The following ATRNL1 variants were observed in gnomAD, a reference collection of about 807,000 sequenced individuals.
ATRNL1 encodes the protein attractin like 1.
A neutral mutation model predicts 182.7 loss-of-function variants in ATRNL1; 95 were observed. That is an observed-to-expected ratio of 0.52 (90% CI 0.44 to 0.62). ATRNL1 has a LOEUF of 0.62. Among genes scored for constraint, ATRNL1 ranks in the 20% least tolerant of loss-of-function variants. ATRNL1 has a pLI of 0.00. For synonymous variants in ATRNL1, 576 were observed against 568.3 expected, an observed-to-expected ratio of 1.01 and a Z score of -0.19; for missense variants, 1,471 against 1,679.5, an observed-to-expected ratio of 0.88 and a Z score of 2.17.
intron 26 of ATRNL1, among the ~76,000 whole-genome samples, chr10:115,673,185 T>G (rs2133932818): frequency 6.6e-6 from 1 of 152,240 alleles, no homozygotes; most frequent in Non-Finnish European, 1.5e-5. Flanking sequence ...GAGGTCAGAA[T>G]TTAGGATTCT....
At chr10:115,179,539 T>C (rs1450227817) in intron 8 of ATRNL1, among the ~76,000 whole-genome samples, 1 of 152,174 alleles carries the variant, frequency 6.6e-6, no homozygotes, top group East Asian at 1.9e-4. Flanking sequence ...ATAAATAGCC[T>C]TTATTAGATA....
chr10:115,232,583 T>C (rs1309088533), intron 9 of ATRNL1, among the ~76,000 whole-genome samples: 5 of 152,196 alleles, frequency 3.3e-5, no homozygotes, highest in African/African-American at 1.2e-4. Context: ...CAGTATTTTA[T>C]GGATTTTGCT....
intron 26 of ATRNL1, among the ~76,000 whole-genome samples, chr10:115,552,739 A>G (rs1853070439): frequency 6.6e-6 from 1 of 151,280 alleles, no homozygotes; most frequent in Non-Finnish European, 1.5e-5. Flanking sequence ...ACATTAAAAA[A>G]ATGAAACTAC....
intron 17 of ATRNL1, among the ~76,000 whole-genome samples, chr10:115,305,018 A>G (rs1853657317): frequency 6.6e-6 from 1 of 151,712 alleles, no homozygotes; most frequent in Non-Finnish European, 1.5e-5. Flanking sequence ...CTTCTATCAC[A>G]GTAACTTCAT....
intron 8 of ATRNL1, among the ~76,000 whole-genome samples, chr10:115,201,183 C>G (rs1421909418): frequency 1.3e-5 from 2 of 151,332 alleles, no homozygotes; most frequent in African/African-American, 4.9e-5. Flanking sequence ...TATAGGTTGC[C>G]TGTTCACTCT....
intron 18 of ATRNL1, among the ~76,000 whole-genome samples, chr10:115,333,589 A>C (rs2134071520): frequency 6.6e-6 from 1 of 151,804 alleles, no homozygotes; most frequent in East Asian, 1.9e-4. Flanking sequence ...GTTCAAGCGA[A>C]TTCTCCTGCC....
At chr10:115,420,424 G>C (rs1845598761) in intron 20 of ATRNL1, among the ~76,000 whole-genome samples, 1 of 151,768 alleles carries the variant, frequency 6.6e-6, no homozygotes, top group South Asian at 2.1e-4. Context: ...AATAACAGGA[G>C]GAACTTTGGA....
chr10:115,449,698 C>T (rs557101166), intron 21 of ATRNL1, among the ~76,000 whole-genome samples: 4 of 152,290 alleles, frequency 2.6e-5, no homozygotes, highest in African/African-American at 9.6e-5. Context: ...CACTTGCATG[C>T]TCCTCCTCCC....
At chr10:115,246,851 C>T (rs1383458495) in intron 10 of ATRNL1, among the ~76,000 whole-genome samples, 1 of 65,014 alleles carries the variant, frequency 1.5e-5, no homozygotes, top group Admixed American at 1.1e-4. Context: ...TGAGCCACCG[C>T]GCCCGGCCAT....
At chr10:115,496,202 A>G (rs1554978209) in intron 24 of ATRNL1, among the ~76,000 whole-genome samples, 1 of 152,062 alleles carries the variant, frequency 6.6e-6, no homozygotes, top group Non-Finnish European at 1.5e-5. Flanking sequence ...CTTTGAGCCT[A>G]TGGGTGTCAT....
chr10:115,634,294 C>T (rs1356418224), intron 26 of ATRNL1, among the ~76,000 whole-genome samples: 1 of 152,000 alleles, frequency 6.6e-6, no homozygotes, highest in African/African-American at 2.4e-5. Context: ...CATGCTATAC[C>T]GTGGCATTTC....
At chr10:115,281,302 A>G in intron 13 of ATRNL1, 53 bp from the exon 14 acceptor site, 2 of 1,512,138 alleles carry the variant, frequency 1.3e-6, no homozygotes, top group Non-Finnish European at 1.8e-6. Flanking sequence ...ACTGAAGTTT[A>G]AGAATCATTG....
chr10:115,534,550 C>A (rs1349466626), intron 25 of ATRNL1, among the ~76,000 whole-genome samples: 2 of 152,272 alleles, frequency 1.3e-5, no homozygotes, highest in African/African-American at 4.8e-5. Context: ...TGGGTCTTGA[C>A]TCTTTATCCA....
chr10:115,511,618 A>T (rs1039576334), intron 24 of ATRNL1, among the ~76,000 whole-genome samples: 6 of 151,894 alleles, frequency 4.0e-5, no homozygotes, highest in Non-Finnish European at 7.4e-5. Context: ...ATTTTCTCCC[A>T]CAAATTTTGA....
At chr10:115,344,469 G>T (rs558202880) in intron 19 of ATRNL1, among the ~76,000 whole-genome samples, 2 of 152,120 alleles carry the variant, frequency 1.3e-5, no homozygotes, top group African/African-American at 4.8e-5. Flanking sequence ...TAAGGCCTAA[G>T]GGCTCTTAAG....
At chr10:115,314,827 C>A (rs1258489466) in intron 17 of ATRNL1, among the ~76,000 whole-genome samples, 1 of 152,138 alleles carries the variant, frequency 6.6e-6, no homozygotes, top group Admixed American at 6.6e-5. Context: ...AAAAAACCAA[C>A]AACAACAAAG....
intron 27 of ATRNL1, among the ~76,000 whole-genome samples, chr10:115,840,161 A>G (rs1565426003): frequency 6.6e-6 from 1 of 152,178 alleles, no homozygotes; most frequent in East Asian, 1.9e-4. Context: ...CAAAAATGGG[A>G]AGAACAGGCA....
intron 5 of ATRNL1, among the ~76,000 whole-genome samples, chr10:115,147,069 G>A (rs1295340244): frequency 4.6e-5 from 7 of 152,080 alleles, no homozygotes; most frequent in Non-Finnish European, 1.0e-4. Flanking sequence ...CATAGTGGCT[G>A]TACTAATTTA....
chr10:115,156,049 C>G (rs961464654), intron 5 of ATRNL1, among the ~76,000 whole-genome samples: 1 of 152,022 alleles, frequency 6.6e-6, no homozygotes, highest in African/African-American at 2.4e-5. Context: ...CGTGTTGTGC[C>G]AGGCATTACC....
Sources: allele counts gnomAD v4.1 joint callset (sites outside exome capture counted in the v4.1 genomes callset), GRCh38; gene constraint gnomAD v4.1.1; transcripts MANE v1.5; gene names NCBI Gene and HGNC (gene_info 2026-07-23, HGNC 2026-07-21).